The following CRB1 variants were observed in gnomAD, a reference collection of about 807,000 sequenced individuals.
CRB1 encodes the protein protein crumbs homolog 1.
Under a neutral mutation model 120.0 loss-of-function variants are expected in CRB1, and 83 were observed. The ratio of observed to expected loss-of-function variants is 0.69; its 90% CI spans 0.58 to 0.83. The LOEUF is 0.83. Ranked by LOEUF, CRB1 falls within the 40% of genes least tolerant of loss-of-function variation. The pLI, the probability that CRB1 is intolerant of heterozygous loss-of-function variation, is 0.00. For missense variants in CRB1, 1,699 were observed against 1,687.6 expected (o/e 1.01, Z -0.12); for synonymous variants, 625 against 612.5 (o/e 1.02, Z -0.30).
intron 11 of CRB1, among the ~76,000 whole-genome samples, chr1:197,453,971 T>C (rs1054288147): frequency 1.7e-5 from 2 of 116,732 alleles, no homozygotes; most frequent in African/African-American, 1.0e-4. Context: ...ATATTATTAA[T>C]AATATATATT....
intron 5 of CRB1, among the ~76,000 whole-genome samples, chr1:197,405,824 G>T (rs1448577696): frequency 6.6e-6 from 1 of 151,892 alleles, no homozygotes; most frequent in African/African-American, 2.4e-5. Flanking sequence ...TGAGAAGTGA[G>T]GAGCCCCTCC....
chr1:197,452,412 G>A (rs567643491), intron 11 of CRB1, among the ~76,000 whole-genome samples: 3 of 152,096 alleles, frequency 2.0e-5, no homozygotes, highest in Admixed American at 6.5e-5. Flanking sequence ...ATATGATGAC[G>A]AATATCAATT....
intron 10 of CRB1, 145 bp from the exon 11 acceptor site, chr1:197,442,021 A>T: frequency 1.1e-6 from 1 of 929,696 alleles, no homozygotes; most frequent in South Asian, 1.4e-5. Context: ...AACATCTCCG[A>T]CATTATCAAG....
intron 4 of CRB1, among the ~76,000 whole-genome samples, chr1:197,354,530 A>AC (rs914865715): frequency 6.6e-6 from 1 of 151,922 alleles, no homozygotes; most frequent in African/African-American, 2.4e-5. Flanking sequence ...GAAGCCGCAG[A>AC]CCTTTGCAGT....
the CRB1 span, among the ~76,000 whole-genome samples, chr1:197,246,120 A>G: frequency 1.3e-5 from 2 of 151,958 alleles, no homozygotes; most frequent in Non-Finnish European, 2.9e-5. Flanking sequence ...CCTGATAGAG[A>G]TGAAAGTCCC....
At chr1:197,245,403 C>T in the CRB1 span, among the ~76,000 whole-genome samples, 2 of 152,074 alleles carry the variant, frequency 1.3e-5, no homozygotes, top group South Asian at 2.1e-4. Context: ...AGGCTGAGGT[C>T]GGAGGATCAC....
At chr1:197,240,136 C>T in the CRB1 span, among the ~76,000 whole-genome samples, 2 of 151,970 alleles carry the variant, frequency 1.3e-5, no homozygotes, top group Admixed American at 1.3e-4. Flanking sequence ...AATCTGTTGT[C>T]TTCACTTGTA....
At chr1:197,374,829 T>C (rs1661558690) in intron 5 of CRB1, among the ~76,000 whole-genome samples, 1 of 152,184 alleles carries the variant, frequency 6.6e-6, no homozygotes, top group Non-Finnish European at 1.5e-5. Flanking sequence ...CTGTCACAGA[T>C]ACGTTGCCTT....
intron 5 of CRB1, among the ~76,000 whole-genome samples, chr1:197,419,809 CAAAAA>C (rs551970933): frequency 1.6e-5 from 2 of 127,228 alleles, no homozygotes; most frequent in African/African-American, 3.0e-5. Flanking sequence ...CCCATCTCTA[CAAAAA>C]AAAAAAAAAA....
At chr1:197,301,132 C>A (rs1252956275) in intron 1 of CRB1, among the ~76,000 whole-genome samples, 1 of 151,750 alleles carries the variant, frequency 6.6e-6, no homozygotes, top group Non-Finnish European at 1.5e-5. Context: ...TTTATCCAGC[C>A]CATCTATGAA....
intron 5 of CRB1, among the ~76,000 whole-genome samples, chr1:197,368,221 C>T (rs1477263393): frequency 1.3e-5 from 2 of 151,378 alleles, no homozygotes; most frequent in Non-Finnish European, 2.9e-5. Flanking sequence ...TTTTTTCTTA[C>T]TTACAATTTC....
rs1394387724 is a variant in CRB1, at chr1:197,453,918, T to C, written c.4005+11626T>C. Among the ~76,000 whole-genome samples the C allele has an allele frequency of 2.5e-4, 9 of 36,090 alleles. No individual in the cohort carries two copies. The East Asian group carries it at 0.011, about 46-fold the overall frequency. The allele number at this position is 36,090 out of a possible 152,430, so 23.7% of individuals were successfully genotyped here. A position where few individuals can be genotyped will look rare whatever the true frequency, so the allele number is the denominator to read the frequency against. ...TTATTATATTATTAATATATATTAT[T>C]GATATTATTATATTATTAATAATAT... On this transcript the variant is annotated intron_variant, in intron 11 of 11. Transcript: ENST00000367400.
intron 5 of CRB1, among the ~76,000 whole-genome samples, chr1:197,384,272 G>T (rs1662103293): frequency 6.6e-6 from 1 of 152,094 alleles, no homozygotes; most frequent in African/African-American, 2.4e-5. Context: ...CACACAGCTT[G>T]CAAATGGTAA....
At position 197,288,828 on chromosome 1, in the gene CRB1, G is replaced by A. The variant is rs568946948; in HGVS notation, c.70+20346G>A. On this transcript the variant is annotated intron_variant, in intron 1 of 11. Transcript: ENST00000367400. ...GAAAACAAAACAAAGCAAAGCAAAC[G>A]AAACACCCACAAAACTGTGACAACT... 1.8e-4 allele frequency among the ~76,000 whole-genome samples: 27 copies of A among 151,742 alleles called. No individual in the cohort carries two copies. The South Asian group carries it at 5.0e-3, about 28-fold the overall frequency.
At position 197,435,113 on chromosome 1, in the gene CRB1, G is replaced by A. The variant is rs769059111; in HGVS notation, c.3250G>A (p.Asp1084Asn). 5.6e-6 allele frequency: 9 copies of A among 1,613,788 alleles called. No homozygotes were observed. In the Admixed American group the frequency reaches 1.5e-4, roughly 27 times the overall value. The change falls in exon 9 of 12, where the codon GAC (aspartate) becomes AAC (asparagine). Residue 1084 changes from aspartate to asparagine, a missense_variant. Physicochemically the swap from Asp to Asn is conservative, Grantham distance 23 (BLOSUM62 1). Coordinates refer to ENST00000367400, the MANE Select transcript of CRB1 (RefSeq NM_201253.3). ...LKDNTDIYVG[D>N]RAIDNIKGLQ... ...GGATAATACAGATATTTATGTGGGA[G>A]ACAGAGCTATTGACAATATAAAGGG...
chr1:197,204,023 C>T, the CRB1 span, among the ~76,000 whole-genome samples: 19 of 152,256 alleles, frequency 1.2e-4, no homozygotes, highest in African/African-American at 4.3e-4. Flanking sequence ...TTAGCTCCCA[C>T]TTATGAGTGA....
At chr1:197,469,911 C>T (rs1409803357) in intron 11 of CRB1, among the ~76,000 whole-genome samples, 3 of 152,038 alleles carry the variant, frequency 2.0e-5, no homozygotes, top group Non-Finnish European at 4.4e-5. Flanking sequence ...AGGAATAATG[C>T]TCGTGTCTGG....
Position 197,330,719 on chromosome 1 carries a change from T to G in CRB1, c.652+1716T>G, listed in dbSNP as rs139732532. Among the ~76,000 whole-genome samples the G allele has an allele frequency of 3.9e-3, 598 of 152,358 alleles. 7 individuals carry two copies. The highest frequency in any genetic ancestry group is 0.014 in the African/African-American group (578 of 41,584). ...GCTGCAGTAATTATATTCATTATGT[T>G]TGTACTAGTTGACACCTGTATTAAA... is the stretch of plus-strand genomic sequence containing the variant. On this transcript the variant is annotated intron_variant, in intron 2 of 11. Transcript: ENST00000367400.
At chr1:197,346,846 C>T (rs1042955872) in intron 3 of CRB1, among the ~76,000 whole-genome samples, 1 of 152,116 alleles carries the variant, frequency 6.6e-6, no homozygotes, top group African/African-American at 2.4e-5. Context: ...AAGGCTTTTC[C>T]TGAGTTTTTC....
Sources: gnomAD v4.1 joint callset for allele counts (sites outside exome capture counted in the v4.1 genomes callset) on GRCh38, gnomAD v4.1.1 for gene constraint, MANE v1.5 for transcripts, NCBI Gene and HGNC (gene_info 2026-07-23, HGNC 2026-07-21) for gene names.